TNRC6A: variants seen among roughly 807,000 people sequenced by gnomAD.
TNRC6A encodes the protein trinucleotide repeat containing adaptor 6A, also known as trinucleotide repeat-containing gene 6A protein.
TNRC6A carries 44 observed loss-of-function variants against 221.2 expected under a neutral mutation model. The ratio of observed to expected loss-of-function variants is 0.20; its 90% CI spans 0.16 to 0.26. The LOEUF (loss-of-function observed/expected upper bound fraction) is 0.26. TNRC6A is among the 10% of genes least tolerant of loss of function. The pLI is 1.00. For synonymous variants in TNRC6A, 847 were observed against 838.5 expected (o/e 1.01, Z -0.18); for missense variants, 2,199 against 2,404.4 (o/e 0.91, Z 1.79).
rs373869776 is a variant in TNRC6A, at chr16:24,804,240, G to T, written c.3758G>T (p.Arg1253Leu). 1.9e-6 allele frequency: 3 copies of T among 1,613,620 alleles called. No individual in the cohort carries two copies. The South Asian group carries it at 3.3e-5, about 18-fold the overall frequency. ...KHSLNIGDYN[R>L]TVGKGPGSRP... is the part of the protein sequence containing the mutation. ...AGCCTAAATATTGGTGATTACAATC[G>T]AACGGTCGGGAAAGGCCCTGGTTCT... The change falls in exon 12 of 25, where the codon CGA becomes CTA. Residue 1253 changes from arginine (R) to leucine (L), a missense_variant. By Grantham distance (102) the Arg-to-Leu change is moderately radical (BLOSUM62 -2). This residue lies in a region of TNRC6A where 158 missense variants were observed against 159.1 expected (regional missense o/e 0.99). Coordinates refer to ENST00000395799, the MANE Select transcript of TNRC6A (RefSeq NM_014494.4).
At chr16:24,716,969 GAA>G (rs61090241) in intron 2 of TNRC6A, among the ~76,000 whole-genome samples, 18 of 107,558 alleles carry the variant, frequency 1.7e-4, no homozygotes, top group South Asian at 6.0e-4. Context: ...AAAAAAAAAA[GAA>G]AAAAAAAAAA....
intron 2 of TNRC6A, among the ~76,000 whole-genome samples, chr16:24,735,894 G>A (rs1420902467): frequency 6.6e-6 from 1 of 152,212 alleles, no homozygotes; most frequent in African/African-American, 2.4e-5. Flanking sequence ...GCCGGGCACA[G>A]TGGCTCATGC....
chr16:24,817,122 C>G (rs1302175917), intron 20 of TNRC6A, among the ~76,000 whole-genome samples, 166 bp downstream of exon 20: 1 of 152,070 alleles, frequency 6.6e-6, no homozygotes, highest in African/African-American at 2.4e-5. Context: ...GACCCTGTCT[C>G]TTTAAAAAAG....
chr16:24,654,139 T>C (rs1902825176), intron 2 of TNRC6A, among the ~76,000 whole-genome samples: 1 of 152,118 alleles, frequency 6.6e-6, no homozygotes, highest in Non-Finnish European at 1.5e-5. Context: ...TCAAATTTGG[T>C]GCACTCAAAT....
At chr16:24,640,412 GA>G (rs57974727) in intron 1 of TNRC6A, among the ~76,000 whole-genome samples, 2,129 of 135,964 alleles carry the variant, frequency 0.016, 36 homozygotes, top group African/African-American at 0.042. Context: ...AAAAAAGAAA[GA>G]AAAAAAAAAA....
chr16:24,729,547 G>T (rs1417481390), upstream of TNRC6A: 5 of 374,804 alleles, frequency 1.3e-5, no homozygotes, highest in Admixed American at 4.6e-5. Context: ...ACGCCGGGGC[G>T]GTTGCCAAGG....
At chr16:24,802,626 G>A (rs752771363) in intron 11 of TNRC6A, among the ~76,000 whole-genome samples, 2 of 152,210 alleles carry the variant, frequency 1.3e-5, no homozygotes, top group Non-Finnish European at 2.9e-5. Context: ...GCTCAGTTGT[G>A]AAGTCTAAGC....
chr16:24,729,704 G>GGCGGCGGCGGCA lies in TNRC6A; in HGVS notation c.-127_-126insAGCGGCGGCGGC. ...CGGTGTCGGCGGCGGCGGCGGCGGC[G>GGCGGCGGCGGCA]GCGGCGGCGGCGGCAGCGGGTCGGT... On this transcript the variant is annotated 5_prime_UTR_variant, in exon 1 of 25. Transcript: ENST00000395799. 9.6e-7 allele frequency: 1 copy of GGCGGCGGCGGCA among 1,038,514 alleles called. No homozygotes were observed. Among genetic ancestry groups the GGCGGCGGCGGCA allele is most frequent in the Non-Finnish European group, 1.3e-6 (1 of 799,262 alleles). 64.3% of individuals were successfully genotyped at this position (1,038,514 alleles called of 1,614,324 possible).
chr16:24,726,693 G>A (rs77967978), upstream of TNRC6A, among the ~76,000 whole-genome samples: 1,133 of 152,196 alleles, frequency 7.4e-3, 10 homozygotes, highest in African/African-American at 0.025. Flanking sequence ...AAATGGAGCT[G>A]GAGAGGAATG....
Position 24,790,966 on chromosome 16 carries a change from A to G in TNRC6A, c.2324A>G (p.Asn775Ser), listed in dbSNP as rs1226928562. 3 of 1,609,326 alleles carry G rather than the reference A, an allele frequency of 1.9e-6. No homozygotes were observed. In the South Asian group the frequency reaches 3.3e-5, roughly 18 times the overall value. Residue 775 changes from asparagine (N) to serine (S), a missense_variant, in exon 6 of 25, where the codon AAT (asparagine) becomes AGT (serine). Physicochemically the swap from Asn to Ser is conservative, Grantham distance 46. Coordinates refer to ENST00000395799, the MANE Select transcript of TNRC6A (RefSeq NM_014494.4). Reference protein sequence around the residue: ...ACIDKTSPNGNDTSSVSGWGD... With the variant: ...ACIDKTSPNGSDTSSVSGWGD... ...ATAGATAAGACTAGCCCTAATGGTA[A>G]TGATACCTCATCTGTATCAGGGTGG...
At position 24,779,856 on chromosome 16, in the gene TNRC6A, A is replaced by G. The variant is rs183935077; in HGVS notation, c.589+2498A>G. ...ATCTATTCGTATTTGGCTTTTTTAC[A>G]TTCTCATTTTTAATTTTTTTAGAAT... On this transcript the variant is annotated intron_variant, in intron 5 of 24. Transcript: ENST00000395799. Among the ~76,000 whole-genome samples, 288 of 152,192 alleles carry G rather than the reference A, an allele frequency of 1.9e-3. 2 individuals are homozygous for G. The highest frequency in any genetic ancestry group is 5.1e-4 in the Non-Finnish European group (35 of 67,992).
intron 11 of TNRC6A, chr16:24,803,862 C>G (rs1163534449): frequency 8.5e-6 from 2 of 235,526 alleles, no homozygotes; most frequent in East Asian, 2.7e-4. Flanking sequence ...GATCCCACCA[C>G]TGCACTCCAG....
At chr16:24,666,217 C>G (rs2055155669) in intron 2 of TNRC6A, among the ~76,000 whole-genome samples, 1 of 151,856 alleles carries the variant, frequency 6.6e-6, no homozygotes, top group Admixed American at 6.6e-5. Flanking sequence ...GCCTGTAATC[C>G]CAGTACTTTG....
intron 2 of TNRC6A, among the ~76,000 whole-genome samples, chr16:24,720,886 G>GAA (rs112753721): frequency 7.4e-6 from 1 of 135,630 alleles, no homozygotes; most frequent in Non-Finnish European, 1.6e-5. Context: ...CAAACAAACA[G>GAA]AAAAAAAAAA....
At chr16:24,665,740 T>A (rs150836193) in intron 2 of TNRC6A, among the ~76,000 whole-genome samples, 2 of 152,186 alleles carry the variant, frequency 1.3e-5, no homozygotes, top group Admixed American at 6.5e-5. Context: ...ACATTGTCAA[T>A]TGACCAGTCC....
chr16:24,640,711 A>C (rs760986705), intron 1 of TNRC6A, among the ~76,000 whole-genome samples: 22 of 85,334 alleles, frequency 2.6e-4, no homozygotes, highest in Non-Finnish European at 4.9e-4. Context: ...CCTGGGCGAC[A>C]AAAAAAAAAA....
chr16:24,766,709 C>CTCTG (rs1031474559), intron 4 of TNRC6A, among the ~76,000 whole-genome samples: 2 of 133,884 alleles, frequency 1.5e-5, no homozygotes, highest in African/African-American at 5.6e-5. Flanking sequence ...TGTAGTCTCA[C>CTCTG]TCTGTCGCCC....
chr16:24,669,100 A>G (rs1271651590), intron 2 of TNRC6A, among the ~76,000 whole-genome samples: 1 of 152,182 alleles, frequency 6.6e-6, no homozygotes, highest in Non-Finnish European at 1.5e-5. Flanking sequence ...AGAGAAATAA[A>G]GCCTTAAATA....
chr16:24,817,872 G>A (rs1017490317), intron 20 of TNRC6A, among the ~76,000 whole-genome samples: 5 of 152,264 alleles, frequency 3.3e-5, no homozygotes, highest in Non-Finnish European at 5.9e-5. Context: ...TTCTCATGGC[G>A]TGGGAGTTAG....
Sources: gnomAD v4.1 joint callset for allele counts (sites outside exome capture counted in the v4.1 genomes callset) on GRCh38, gnomAD v4.1.1 for gene constraint, gnomAD v4.1.1 regional missense constraint, MANE v1.5 for transcripts, NCBI Gene and HGNC (gene_info 2026-07-23, HGNC 2026-07-21) for gene names.